The following TNRC6B variants were observed in gnomAD, a reference collection of about 807,000 sequenced individuals.
TNRC6B encodes the protein trinucleotide repeat containing adaptor 6B.
TNRC6B carries 52 observed loss-of-function variants against 203.6 expected under a neutral mutation model. The ratio of observed to expected loss-of-function variants is 0.26; its 90% confidence interval spans 0.20 to 0.32. The LOEUF (loss-of-function observed/expected upper bound fraction) is 0.32. TNRC6B is among the 10% of genes least tolerant of loss of function. TNRC6B has a pLI of 1.00. For missense variants in TNRC6B, 1,923 were observed against 2,286.2 expected (o/e 0.84, Z 3.24); for synonymous variants, 838 against 845.7 (o/e 0.99, Z 0.16).
rs534140054 is a variant in TNRC6B at position 40,154,566 on chromosome 22, C to T, written c.46-1549C>T. 2.6e-5 allele frequency among the ~76,000 whole-genome samples: 4 copies of T among 151,294 alleles called. No homozygotes were observed. In the South Asian group the frequency reaches 6.3e-4, roughly 24 times the overall value. ...TAAAAATACATATTTTCTGGCTGGG[C>T]GTGGTGGCTCACGCCTGTAATCCTA... On this transcript the variant is annotated intron_variant, in intron 3 of 23. Transcript: ENST00000301923.
At chr22:40,179,251 C>T (rs1163704280) in intron 1 of TNRC6B, among the ~76,000 whole-genome samples, 4 of 152,002 alleles carry the variant, frequency 2.6e-5, no homozygotes. Flanking sequence ...GCCTCCTCCC[C>T]CTATCATTGT....
intron 1 of TNRC6B, among the ~76,000 whole-genome samples, chr22:40,188,219 A>G (rs2069228961): frequency 1.3e-5 from 2 of 152,148 alleles, no homozygotes; most frequent in Admixed American, 1.3e-4. Context: ...AAAAAAAAAT[A>G]AAACAAAATA....
intron 1 of TNRC6B, among the ~76,000 whole-genome samples, chr22:40,082,949 G>A (rs186899167): frequency 3.3e-5 from 5 of 152,312 alleles, no homozygotes; most frequent in Non-Finnish European, 2.9e-5. Context: ...ACCCAAGTGG[G>A]AATATCAAGT....
intron 1 of TNRC6B, among the ~76,000 whole-genome samples, chr22:40,072,635 G>A (rs2067961183): frequency 6.6e-6 from 1 of 152,036 alleles, no homozygotes; most frequent in Non-Finnish European, 1.5e-5. Flanking sequence ...AAGCCCAGGA[G>A]GGCAGATCAC....
rs552943058 is a variant in TNRC6B at position 40,140,979 on chromosome 22, C to G, written c.45+15117C>G. On this transcript the variant is annotated intron_variant, in intron 3 of 23. Coordinates refer to the TNRC6B transcript ENST00000301923. ...TTATATTCTTTATTCTTGTAGTTTT[C>G]CTTCTCATGGTAAGATTTTGTCATG... Among the ~76,000 whole-genome samples, 240 of 152,120 alleles carry G rather than the reference C, an allele frequency of 1.6e-3. 1 individual carries two copies. The highest frequency in any genetic ancestry group is 5.5e-3 in the Admixed American group (84 of 15,250).
chr22:40,263,815 G>T (rs1266101919), intron 4 of TNRC6B, among the ~76,000 whole-genome samples: 1 of 152,152 alleles, frequency 6.6e-6, no homozygotes, highest in Non-Finnish European at 1.5e-5. Context: ...TAGCTCAGTG[G>T]CTCAGTGGGT....
chr22:40,322,953 C>G lies in TNRC6B; in HGVS notation c.5214C>G (p.Thr1738=). Residue 1738 remains threonine, a synonymous_variant, in exon 23 of 23, where the codon ACC becomes ACG. Transcript: ENST00000454349. ...CTCAGCCCCCTACACCTGCAGCAAC[C>G]CCAAGTGCGCCAGCTGCGGGGTGGC... ...AQAQPPTPAA[T]PSAPAAGWQS... The G allele has an allele frequency of 6.2e-7, 1 of 1,613,444 alleles. No individual in the cohort carries two copies. Among genetic ancestry groups the G allele is most frequent in the Non-Finnish European group, 8.5e-7 (1 of 1,179,628 alleles).
chr22:40,323,058 G>A lies in TNRC6B; in HGVS notation c.5319G>A (p.Gly1773=). ...TTTTTGGTGGGTCCACTGGGCTCGGGCAGTGGAGCAGCAGCGCTGGTGGCA... is the reference window on the plus strand; with the variant it reads ...TTTTTGGTGGGTCCACTGGGCTCGGACAGTGGAGCAGCAGCGCTGGTGGCA... ...LNLFGGSTGL[G]QWSSSAGGSS... Residue 1773 remains glycine (G), a synonymous_variant, in exon 23 of 23, where the codon GGG becomes GGA. Coordinates refer to ENST00000454349, the MANE Select transcript of TNRC6B (RefSeq NM_001162501.2). The A allele has an allele frequency of 1.2e-6, 2 of 1,602,380 alleles. No homozygotes were observed. Among genetic ancestry groups the A allele is most frequent in the Non-Finnish European group, 1.7e-6 (2 of 1,173,994 alleles).
chr22:40,300,993 G>T lies in TNRC6B; in HGVS notation c.3924G>T (p.Gln1308His). Residue 1308 changes from glutamine to histidine, a missense_variant, in exon 14 of 23, where the codon CAG (glutamine) becomes CAT (histidine). Around this residue, in one of 8 missense-constraint regions of TNRC6B, gnomAD observed 242 missense variants for 399.5 expected, o/e 0.61. Transcript: ENST00000454349. ...QRKISQAVRQ[Q>H]QEQQLARMVS... Reference sequence around the variant, plus strand: ...AGATTTCTCAAGCTGTACGCCAACAGCAAGAGCAGCAGGTACGTGGGTAGG... The same window carrying T: ...AGATTTCTCAAGCTGTACGCCAACATCAAGAGCAGCAGGTACGTGGGTAGG... 1 of 1,612,844 alleles carries T rather than the reference G, an allele frequency of 6.2e-7. No individual in the cohort carries two copies. The highest frequency in any genetic ancestry group is 8.5e-7 in the Non-Finnish European group (1 of 1,179,386).
At chr22:40,080,719 C>T (rs184840671) in intron 1 of TNRC6B, among the ~76,000 whole-genome samples, 182 of 152,272 alleles carry the variant, frequency 1.2e-3, no homozygotes, top group African/African-American at 4.2e-3. Flanking sequence ...ATTTGCCCTT[C>T]AGGATCCAGC....
chr22:40,289,672 C>A (rs965870997), intron 12 of TNRC6B, among the ~76,000 whole-genome samples: 14 of 152,186 alleles, frequency 9.2e-5, no homozygotes, highest in African/African-American at 3.4e-4. Flanking sequence ...TGTCCCAGAT[C>A]TCAACCTTCG....
At position 40,047,058 on chromosome 22, in the gene TNRC6B, A is replaced by G. The variant is rs548943340; in HGVS notation, c.-121+2060A>G. Among the ~76,000 whole-genome samples the G allele has an allele frequency of 2.0e-5, 3 of 152,182 alleles. No individual in the cohort carries two copies. In the East Asian group the frequency reaches 5.8e-4, roughly 29 times the overall value. On this transcript the variant is annotated intron_variant, in intron 1 of 23. Transcript: ENST00000301923. Reference sequence around the variant, plus strand: ...CAGCCTTTTGACATCTTTTCCCCTAATTCTTAGCCCAAGCCTGTGGGGTAG... The same window carrying G: ...CAGCCTTTTGACATCTTTTCCCCTAGTTCTTAGCCCAAGCCTGTGGGGTAG...
chr22:40,161,371 G>A (rs2068870126), intron 4 of TNRC6B, among the ~76,000 whole-genome samples: 1 of 152,106 alleles, frequency 6.6e-6, no homozygotes, highest in South Asian at 2.1e-4. Flanking sequence ...TACAGAGGCT[G>A]GTAGAGCACA....
chr22:40,180,603 A>G (rs541319641), intron 1 of TNRC6B, among the ~76,000 whole-genome samples: 1 of 152,346 alleles, frequency 6.6e-6, no homozygotes, highest in South Asian at 2.1e-4. Flanking sequence ...TGCAGAGCCA[A>G]TCCTTCTGGC....
chr22:40,177,455 T>A (rs2069074062), upstream of TNRC6B, among the ~76,000 whole-genome samples: 1 of 152,218 alleles, frequency 6.6e-6, no homozygotes, highest in Admixed American at 6.5e-5. Context: ...TTTCTTTCAG[T>A]CTTTTTCTAT....
chr22:40,270,381 GCA>G, intron 6 of TNRC6B, 101 bp downstream of exon 6: 2 of 1,162,812 alleles, frequency 1.7e-6, no homozygotes, highest in Non-Finnish European at 2.2e-6. Flanking sequence ...GTGCAGTGGT[GCA>G]ATTTCGGCTC....
chr22:40,320,631 G>A (rs1461321988), intron 21 of TNRC6B, among the ~76,000 whole-genome samples: 1 of 152,214 alleles, frequency 6.6e-6, no homozygotes, highest in Non-Finnish European at 1.5e-5. Flanking sequence ...ACAGCCTTTG[G>A]TCAAAATGCC....
At chr22:40,150,834 G>T (rs1018689729) in intron 3 of TNRC6B, among the ~76,000 whole-genome samples, 2 of 152,116 alleles carry the variant, frequency 1.3e-5, no homozygotes, top group African/African-American at 4.8e-5. Flanking sequence ...AAATAGATGA[G>T]GATGTATAGC....
intron 1 of TNRC6B, among the ~76,000 whole-genome samples, chr22:40,208,262 A>G (rs1173940950): frequency 6.6e-6 from 1 of 152,134 alleles, no homozygotes; most frequent in Non-Finnish European, 1.5e-5. Flanking sequence ...AAAGTTGGAA[A>G]ACATGGACAC....
Sources: gnomAD v4.1 joint callset for allele counts (sites outside exome capture counted in the v4.1 genomes callset) on GRCh38, gnomAD v4.1.1 for gene constraint, gnomAD v4.1.1 regional missense constraint, MANE v1.5 for transcripts, NCBI Gene and HGNC (gene_info 2026-07-23, HGNC 2026-07-21) for gene names.